TRAF2: variants seen among roughly 807,000 people sequenced by gnomAD.
TRAF2 encodes the protein TNF receptor associated factor 2.
In TRAF2, 6 loss-of-function variants were observed where a neutral mutation model predicts 55.6. That is an observed-to-expected ratio of 0.11 (90% CI 0.06 to 0.21). The LOEUF (loss-of-function observed/expected upper bound fraction) is 0.21. Ranked by LOEUF, TRAF2 falls within the 10% of genes least tolerant of loss-of-function variation. The pLI, the probability that TRAF2 is intolerant of heterozygous loss-of-function variation, is 1.00. For synonymous variants in TRAF2, 329 were observed against 276.3 expected (o/e 1.19, Z -1.89); for missense variants, 561 against 684.5 (o/e 0.82, Z 2.01).
rs201046393 is a variant in TRAF2, at chr9:136,925,757, C to T, written c.1362C>T (p.Ser454=). The change falls in exon 11 of 11, where the codon TCC becomes TCT. Residue 454 remains serine (S), a synonymous_variant. Coordinates refer to ENST00000247668, the MANE Select transcript of TRAF2 (RefSeq NM_021138.4). The part of the protein sequence containing the change: ...IDAFRPDVTS[S]SFQRPVNDMN... ...CCTTCAGGCCCGACGTGACTTCATC[C>T]TCTTTTCAGAGGCCAGTCAACGACA... is the stretch of plus-strand genomic sequence containing the variant. 2.5e-5 allele frequency: 41 copies of T among 1,614,256 alleles called. No individual in the cohort carries two copies. Among genetic ancestry groups the T allele is most frequent in the Middle Eastern group, 3.3e-4 (2 of 6,062 alleles).
At chr9:136,915,816 T>C (rs186001049) in intron 6 of TRAF2, among the ~76,000 whole-genome samples, 13 of 152,264 alleles carry the variant, frequency 8.5e-5, no homozygotes, top group Admixed American at 3.9e-4. Context: ...TGGGGGAAAT[T>C]GTTCAAGGTT....
In TRAF2 at chr9:136,900,603, T is replaced by C. The variant is rs180898952; in HGVS notation, c.366+83T>C. ...CGCTCCCCAAGCAGTTATGACCTTG[T>C]CCTGCACGTTCCTCTCACTGGGGCT... On this transcript the variant is annotated intron_variant, in intron 4 of 10. Transcript: ENST00000247668. 56 of 1,067,546 alleles carry C rather than the reference T, an allele frequency of 5.2e-5. No individual in the cohort carries two copies. In the East Asian group the frequency reaches 1.3e-3, roughly 25 times the overall value. The allele number at this position is 1,067,546 out of a possible 1,614,324, so 66.1% of individuals were successfully genotyped here. A position where few individuals can be genotyped will look rare whatever the true frequency, so the allele number is the denominator to read the frequency against.
Position 136,898,731 on chromosome 9 carries a change from C to T in TRAF2, c.-10C>T. 1.9e-6 allele frequency: 3 copies of T among 1,613,166 alleles called. No individual in the cohort carries two copies. The highest frequency in any genetic ancestry group is 2.5e-6 in the Non-Finnish European group (3 of 1,179,990). ...TCCTTAGGGCTTTGTTCGCGGGGGT[C>T]ACAGCTCTCATGGCTGCAGCTAGCG... On this transcript the variant is annotated 5_prime_UTR_variant, in exon 2 of 11. Transcript: ENST00000247668.
intron 1 of TRAF2, among the ~76,000 whole-genome samples, chr9:136,898,002 C>T (rs1381340435): frequency 7.2e-6 from 1 of 139,308 alleles, no homozygotes; most frequent in African/African-American, 2.8e-5. Flanking sequence ...GTGCACTAGC[C>T]AGCCTCAGAT....
intron 7 of TRAF2, among the ~76,000 whole-genome samples, chr9:136,919,362 G>A (rs1216823946): frequency 2.9e-4 from 42 of 144,362 alleles, no homozygotes; most frequent in African/African-American, 9.8e-4. Flanking sequence ...ACAGTGGCGC[G>A]ATCTCGGCTC....
At chr9:136,890,399 A>G (rs559087829) in intron 1 of TRAF2, 31 of 152,370 alleles carry the variant, frequency 2.0e-4, no homozygotes, top group African/African-American at 7.2e-4. Context: ...ACGTACAGAA[A>G]GCAAGAGCAG....
At position 136,908,173 on chromosome 9, in the gene TRAF2, C is replaced by T. The variant is rs149585522; in HGVS notation, c.470C>T (p.Pro157Leu). 5.8e-4 allele frequency: 937 copies of T among 1,602,078 alleles called. 6 individuals are homozygous for T. Among genetic ancestry groups the T allele is most frequent in the Non-Finnish European group, 1.6e-4 (183 of 1,179,764 alleles). ...EKERHLEHEC[P>L]ERSLSCRHCR... ...GAGCGCCACCTGGAGCACGAGTGCC[C>T]GGAGAGAAGCCTGAGCTGCCGGCAT... The change falls in exon 5 of 11, where the codon CCG becomes CTG. Residue 157 changes from proline to leucine, a missense_variant. Pro to Leu is a moderately conservative substitution (Grantham distance 98). Transcript: ENST00000247668.
Position 136,924,000 on chromosome 9 carries a change from G to A in TRAF2, c.1287G>A (p.Lys429=). 1 of 1,612,820 alleles carries A rather than the reference G, an allele frequency of 6.2e-7. No homozygotes were observed. The part of the protein sequence containing the change: ...DALLRWPFNQ[K]VTLMLLDQNN... ...TGCTGCGGTGGCCCTTCAACCAGAAGGTGAGGCCGTCCCTGCAGGCTTCGC... is the reference window on the plus strand; with the variant it reads ...TGCTGCGGTGGCCCTTCAACCAGAAAGTGAGGCCGTCCCTGCAGGCTTCGC... Residue 429 remains lysine (K), a splice_region_variant and synonymous_variant, in exon 10 of 11, where the codon AAG becomes AAA. Coordinates refer to ENST00000247668, the MANE Select transcript of TRAF2 (RefSeq NM_021138.4).
intron 4 of TRAF2, among the ~76,000 whole-genome samples, chr9:136,903,363 T>A (rs547190125): frequency 6.6e-6 from 1 of 151,430 alleles, no homozygotes; most frequent in African/African-American, 2.5e-5. Context: ...GGCAGCTGGA[T>A]GCGGGGGTGC....
At chr9:136,923,241 A>G (rs1193247717) in intron 9 of TRAF2, among the ~76,000 whole-genome samples, 1 of 152,140 alleles carries the variant, frequency 6.6e-6, no homozygotes, top group East Asian at 1.9e-4. Context: ...GGTCCCAACC[A>G]CTGCATTTAG....
At chr9:136,896,644 C>T (rs1001400665) in intron 1 of TRAF2, among the ~76,000 whole-genome samples, 1 of 152,072 alleles carries the variant, frequency 6.6e-6, no homozygotes, top group Admixed American at 6.6e-5. Flanking sequence ...GCCTGTCTCT[C>T]CCCGCTTTTT....
chr9:136,918,265 AAT>A (rs1850294687), intron 7 of TRAF2, among the ~76,000 whole-genome samples: 2 of 11,628 alleles, frequency 1.7e-4, no homozygotes, highest in Admixed American at 5.2e-4. Context: ...ATATTTATTT[AAT>A]TAATTAATTT....
intron 7 of TRAF2, among the ~76,000 whole-genome samples, chr9:136,917,531 A>C (rs1850271261): frequency 6.6e-6 from 1 of 152,216 alleles, no homozygotes; most frequent in African/African-American, 2.4e-5. Context: ...TACTGGGCCC[A>C]GAGGTGGTCC....
intron 4 of TRAF2, 31 bp downstream of exon 4, chr9:136,900,551 G>C: frequency 6.3e-7 from 1 of 1,591,136 alleles, no homozygotes; most frequent in East Asian, 2.2e-5. Context: ...CATGGTGACA[G>C]AAGCTCCAGC....
intron 7 of TRAF2, 164 bp downstream of exon 7, chr9:136,916,779 G>A: frequency 1.5e-6 from 1 of 686,460 alleles, no homozygotes. Flanking sequence ...CTTGGTCTCT[G>A]GGCTGGCAGC....
At chr9:136,897,009 C>T (rs1202401037) in intron 1 of TRAF2, among the ~76,000 whole-genome samples, 1 of 152,204 alleles carries the variant, frequency 6.6e-6, no homozygotes, top group African/African-American at 2.4e-5. Flanking sequence ...TAGGCATCCT[C>T]ATTGTTCCCT....
chr9:136,906,627 AGT>A (rs1415415225), intron 4 of TRAF2, among the ~76,000 whole-genome samples: 1 of 152,164 alleles, frequency 6.6e-6, no homozygotes, highest in African/African-American at 2.4e-5. Context: ...TCAGTGACAA[AGT>A]GAGACCCTGT....
chr9:136,884,360 C>T (rs1849408589), upstream of TRAF2, among the ~76,000 whole-genome samples: 1 of 151,840 alleles, frequency 6.6e-6, no homozygotes, highest in Non-Finnish European at 1.5e-5. Flanking sequence ...GAGTTCGAGA[C>T]CAGCCTGAGC....
intron 6 of TRAF2, among the ~76,000 whole-genome samples, chr9:136,910,272 T>C (rs999033339): frequency 1.3e-5 from 2 of 152,184 alleles, no homozygotes; most frequent in African/African-American, 4.8e-5. Flanking sequence ...ATCCTGAAAA[T>C]GAAACATTAA....
Sources: gnomAD v4.1 joint callset for allele counts (sites outside exome capture counted in the v4.1 genomes callset) on GRCh38, gnomAD v4.1.1 for gene constraint, MANE v1.5 for transcripts, NCBI Gene and HGNC (gene_info 2026-07-23, HGNC 2026-07-21) for gene names.